The following CACNA1C variants were observed in gnomAD, a reference collection of about 807,000 sequenced individuals.
CACNA1C encodes calcium voltage-gated channel subunit alpha1 C, also known as voltage-dependent L-type calcium channel subunit alpha-1C.
CACNA1C carries 30 observed loss-of-function variants against 229.0 expected under a neutral mutation model. The observed-to-expected ratio is 0.13, with a 90% CI of 0.10 to 0.18. The LOEUF (loss-of-function observed/expected upper bound fraction) is 0.18. Ranked by LOEUF, CACNA1C falls within the 10% of genes least tolerant of loss-of-function variation. The probability of loss-of-function intolerance (pLI) is 1.00; values close to 1 mark genes in which losing one functional copy is unlikely to be tolerated. For missense variants in CACNA1C, 1,658 were observed against 2,845.0 expected, an observed-to-expected ratio of 0.58 and a Z score of 9.49; for synonymous variants, 1,114 against 1,132.5, an observed-to-expected ratio of 0.98 and a Z score of 0.33.
chr12:2,235,609 G>A (rs1185437545), intron 3 of CACNA1C, among the ~76,000 whole-genome samples: 2 of 152,194 alleles, frequency 1.3e-5, no homozygotes, highest in African/African-American at 4.8e-5. Flanking sequence ...GACCATCTCT[G>A]GGTGATGCCG....
intron 3 of CACNA1C, among the ~76,000 whole-genome samples, chr12:2,377,928 C>T (rs1445539545): frequency 2.0e-5 from 3 of 152,126 alleles, no homozygotes; most frequent in African/African-American, 7.2e-5. Flanking sequence ...GGCCTGAGTG[C>T]TCCCGTAAGC....
Position 2,293,493 on chromosome 12 carries a change from G to A in CACNA1C, c.478-155483G>A, listed in dbSNP as rs553774025. ...CCATCCCATGGGCCACTGGCCACAC[G>A]TGGTCCAGGATGGCTTTGAATGTGG... On this transcript the variant is annotated intron_variant, in intron 3 of 46. Coordinates refer to ENST00000399655, the MANE Select transcript of CACNA1C (RefSeq NM_000719.7). 5.3e-5 allele frequency among the ~76,000 whole-genome samples: 8 copies of A among 152,306 alleles called. No homozygotes were observed. The South Asian group carries it at 1.5e-3, about 28-fold the overall frequency.
chr12:2,587,620 A>T (rs1443892682), intron 18 of CACNA1C, among the ~76,000 whole-genome samples: 1 of 152,158 alleles, frequency 6.6e-6, no homozygotes, highest in Non-Finnish European at 1.5e-5. Context: ...AAAAGGGCTA[A>T]TGAGGATTTT....
intron 19 of CACNA1C, 76 bp downstream of exon 19, chr12:2,593,421 A>C: frequency 1.3e-6 from 2 of 1,513,190 alleles, no homozygotes; most frequent in Non-Finnish European, 1.8e-6. Context: ...ATTTTACCTG[A>C]ACCTCTGGAT....
chr12:2,690,983 C>T lies in CACNA1C; in HGVS notation c.6201C>T (p.Cys2067=), dbSNP rs138826768. Residue 2067 remains cysteine (C), a synonymous_variant, in exon 47 of 47, where the codon TGC becomes TGT. Coordinates refer to ENST00000399655, the MANE Select transcript of CACNA1C (RefSeq NM_000719.7). ...EVTTQELADA[C]DMTIEEMESA... ...CCACCCAGGAGCTGGCCGACGCCTG[C>T]GACATGACCATAGAGGAGATGGAGA... The T allele has an allele frequency of 1.9e-6, 3 of 1,600,214 alleles. No individual in the cohort carries two copies. Among genetic ancestry groups the T allele is most frequent in the African/African-American group, 2.7e-5 (2 of 74,662 alleles).
rs139301190 is a variant in CACNA1C, at chr12:2,637,921, A to G, written c.3912+3541A>G. On this transcript the variant is annotated intron_variant, in intron 30 of 46. Coordinates refer to ENST00000399655, the MANE Select transcript of CACNA1C (RefSeq NM_000719.7). ...CCTTATCCACCCTAACTTTCCTCCA[A>G]ATATTCCCCACATTTAAACTCGTCT... is the stretch of plus-strand genomic sequence containing the variant. 1.1e-3 allele frequency among the ~76,000 whole-genome samples: 171 copies of G among 152,218 alleles called. 1 individual carries two copies. The highest frequency in any genetic ancestry group is 3.3e-3 in the Admixed American group (50 of 15,294).
chr12:2,186,940 T>A (rs188280455), intron 3 of CACNA1C, among the ~76,000 whole-genome samples: 1 of 152,138 alleles, frequency 6.6e-6, no homozygotes, highest in East Asian at 1.9e-4. Context: ...GCACCATCTG[T>A]TTTTCCCTGT....
chr12:2,336,841 A>G (rs1028143156), intron 3 of CACNA1C, among the ~76,000 whole-genome samples: 1 of 152,156 alleles, frequency 6.6e-6, no homozygotes, highest in African/African-American at 2.4e-5. Context: ...TGGTGGGAGA[A>G]AGGAGCGAGT....
At chr12:2,374,885 G>T (rs1341365957) in intron 3 of CACNA1C, among the ~76,000 whole-genome samples, 1 of 152,214 alleles carries the variant, frequency 6.6e-6, no homozygotes, top group Non-Finnish European at 1.5e-5. Context: ...TGGAAGTTGG[G>T]TTCATTGGAG....
At chr12:1,983,881 C>A (rs765399855) in intron 1 of CACNA1C, among the ~76,000 whole-genome samples, 75 of 151,830 alleles carry the variant, frequency 4.9e-4, no homozygotes, top group Non-Finnish European at 9.9e-4. Flanking sequence ...GGTTCTATCA[C>A]TTTTTGCTTC....
At chr12:2,547,322 G>GTTTATTTTTT (rs2099883211) in intron 9 of CACNA1C, 1 of 637,408 alleles carries the variant, frequency 1.6e-6, no homozygotes, top group Non-Finnish European at 2.8e-6. Context: ...TTTATTTTCT[G>GTTTATTTTTT]TGATAAAAAT....
intron 3 of CACNA1C, among the ~76,000 whole-genome samples, chr12:2,421,202 G>A (rs565935007): frequency 9.2e-5 from 14 of 152,288 alleles, no homozygotes; most frequent in Middle Eastern, 3.4e-3. Flanking sequence ...TGTGATGATT[G>A]TAATTTTCTT....
intron 3 of CACNA1C, among the ~76,000 whole-genome samples, chr12:2,150,641 G>A (rs2095158142): frequency 6.6e-6 from 1 of 152,152 alleles, no homozygotes; most frequent in Non-Finnish European, 1.5e-5. Context: ...TGATGAAAGG[G>A]GCATTTGGCG....
rs755228117 is a variant in CACNA1C at position 2,606,678 on chromosome 12, G to C, written c.3209+15G>C. On this transcript the variant is annotated intron_variant, in intron 25 of 46. Transcript: ENST00000399655. Reference sequence around the variant, plus strand: ...GCGGAATGCAAGTGAGTAGAGGTGGGAGGGCAGCCAGGGCCACGGCCGGTC... The same window carrying C: ...GCGGAATGCAAGTGAGTAGAGGTGGCAGGGCAGCCAGGGCCACGGCCGGTC... 8.1e-6 allele frequency: 13 copies of C among 1,605,996 alleles called. No individual in the cohort carries two copies. In the South Asian group the frequency reaches 1.0e-4, roughly 12 times the overall value.
At chr12:2,247,358 T>C (rs2073791977) in intron 3 of CACNA1C, among the ~76,000 whole-genome samples, 1 of 152,250 alleles carries the variant, frequency 6.6e-6, no homozygotes, top group African/African-American at 2.4e-5. Context: ...TCTGATGCTC[T>C]CTTGTCCTTG....
intron 1 of CACNA1C, among the ~76,000 whole-genome samples, chr12:2,103,268 A>T (rs2077071515): frequency 6.6e-6 from 1 of 152,222 alleles, no homozygotes; most frequent in Admixed American, 6.5e-5. Context: ...GTTTTTAATG[A>T]TAACCATTCT....
chr12:2,115,641 C>T (rs2083510724), intron 2 of CACNA1C, 96 bp downstream of exon 2: 12 of 1,246,628 alleles, frequency 9.6e-6, no homozygotes, highest in Non-Finnish European at 1.4e-5. Context: ...GTCAGCTGTG[C>T]TGGGCTACAA....
intron 5 of CACNA1C, among the ~76,000 whole-genome samples, chr12:2,463,119 C>G (rs972832803): frequency 6.6e-6 from 1 of 152,056 alleles, no homozygotes; most frequent in Non-Finnish European, 1.5e-5. Context: ...ACCGGTTAGC[C>G]AGGATGGTCT....
At chr12:2,080,626 A>T (rs1045683582) in intron 1 of CACNA1C, among the ~76,000 whole-genome samples, 4 of 104,780 alleles carry the variant, frequency 3.8e-5, no homozygotes, top group Admixed American at 2.7e-4. Flanking sequence ...AAACAAAGAG[A>T]TAAAGGAAGA....
Sources: gnomAD v4.1 joint callset for allele counts (sites outside exome capture counted in the v4.1 genomes callset) on GRCh38, gnomAD v4.1.1 for gene constraint, MANE v1.5 for transcripts, NCBI Gene and HGNC (gene_info 2026-07-23, HGNC 2026-07-21) for gene names.